GLG1: variants seen among roughly 807,000 people sequenced by gnomAD.
The protein encoded by GLG1 is Golgi apparatus protein 1.
A neutral mutation model predicts 160.5 loss-of-function variants in GLG1; 38 were observed. That is an observed-to-expected ratio of 0.24 (90% CI 0.18 to 0.31). The LOEUF is 0.31. Among genes scored for constraint, GLG1 ranks in the 10% least tolerant of loss-of-function variants. The pLI, the probability that GLG1 is intolerant of heterozygous loss-of-function variation, is 1.00. For synonymous variants in GLG1, 644 were observed against 543.4 expected (o/e 1.19, Z -2.57); for missense variants, 1,373 against 1,505.2 (o/e 0.91, Z 1.45).
rs1555511216 is a variant in GLG1, at chr16:74,506,604, A to AAAAAAAAC, written c.558+2234_558+2235insGTTTTTTT. On this transcript the variant is annotated intron_variant, in intron 3 of 25. Coordinates refer to ENST00000422840, the MANE Select transcript of GLG1 (RefSeq NM_001145667.2). ...CTCAAAAAAAAAAAAAAAAAAAAAA[A>AAAAAAAAC]CTCAAGAGAAACCAGGAGCACATTT... Among the ~76,000 whole-genome samples the AAAAAAAAC allele has an allele frequency of 1.7e-3, 249 of 142,934 alleles. 2 individuals carry two copies. Among genetic ancestry groups the AAAAAAAAC allele is most frequent in the Non-Finnish European group, 3.3e-3 (212 of 64,840 alleles). The allele number at this position is 142,934 out of a possible 152,430, so 93.8% of individuals were successfully genotyped here. A position where few individuals can be genotyped will look rare whatever the true frequency, so the allele number is the denominator to read the frequency against.
At chr16:74,587,677 C>T (rs1958083771) in intron 1 of GLG1, among the ~76,000 whole-genome samples, 1 of 152,088 alleles carries the variant, frequency 6.6e-6, no homozygotes, top group African/African-American at 2.4e-5. Flanking sequence ...ACCATCCTGG[C>T]CAACACAGTG....
chr16:74,509,676 C>T lies in GLG1; in HGVS notation c.472-751G>A, dbSNP rs376494222. On this transcript the variant is annotated intron_variant, in intron 2 of 25. Transcript: ENST00000422840. ...CATCCTGGCTAACACAGTGAAACCC[C>T]GTTTCTACTAAAAAATACAAAAAAT... 1.6e-4 allele frequency among the ~76,000 whole-genome samples: 25 copies of T among 151,856 alleles called. No individual in the cohort carries two copies. The East Asian group carries it at 2.6e-3, about 15-fold the overall frequency.
chr16:74,459,088 T>C (rs547493104), intron 23 of GLG1, among the ~76,000 whole-genome samples: 20 of 152,210 alleles, frequency 1.3e-4, no homozygotes, highest in Non-Finnish European at 2.6e-4. Flanking sequence ...CAAAGGAAAA[T>C]ATACGGATCT....
chr16:74,474,495 C>G lies in GLG1; in HGVS notation c.2052+51G>C, dbSNP rs780432589. The G allele has an allele frequency of 4.6e-6, 4 of 875,458 alleles. No homozygotes were observed. The South Asian group carries it at 5.2e-5, about 11-fold the overall frequency. The allele number at this position is 875,458 out of a possible 1,614,324, so 54.2% of individuals were successfully genotyped here. ...AACAGTAGAATCAAACACAAAAGGC[C>G]AGGATGCTGGCAGCCACTCTCCTCC... On this transcript the variant is annotated intron_variant, in intron 13 of 25. Coordinates refer to ENST00000422840, the MANE Select transcript of GLG1 (RefSeq NM_001145667.2).
chr16:74,517,866 A>C (rs913155209), intron 2 of GLG1, among the ~76,000 whole-genome samples: 20 of 152,198 alleles, frequency 1.3e-4, no homozygotes, highest in African/African-American at 3.6e-4. Flanking sequence ...AGGATACAAA[A>C]TCAGTGTGTA....
intron 1 of GLG1, among the ~76,000 whole-genome samples, chr16:74,566,960 C>T (rs1211024917): frequency 2.0e-5 from 3 of 152,000 alleles, no homozygotes; most frequent in Non-Finnish European, 4.4e-5. Flanking sequence ...TATATAGTCA[C>T]GCAAAGAATA....
At chr16:74,521,821 G>T (rs2017174048) in intron 2 of GLG1, among the ~76,000 whole-genome samples, 1 of 152,154 alleles carries the variant, frequency 6.6e-6, no homozygotes, top group South Asian at 2.1e-4. Context: ...TTCTCCCCAT[G>T]GCCGTTGTGA....
rs1216034981 is a variant in GLG1 at position 74,542,702 on chromosome 16, GAGGAAGGGAAGAAGGGA to G, written c.439-10566_439-10550del. On this transcript the variant is annotated intron_variant, in intron 1 of 25. Transcript: ENST00000422840. ...AAAAAAGGGAAGGGAAGGAGGGAGG[GAGGAAGGGAAGAAGGGA>G]AGGAAGGAAGGAAGGGAGGAAGGAA... Among the ~76,000 whole-genome samples the G allele has an allele frequency of 7.1e-4, 44 of 61,754 alleles. 2 individuals carry two copies. Among genetic ancestry groups the G allele is most frequent in the Non-Finnish European group, 1.1e-3 (36 of 33,896 alleles). 40.5% of individuals were successfully genotyped at this position (61,754 alleles called of 152,430 possible).
chr16:74,477,987 A>AATAAATAG (rs2015452172), intron 11 of GLG1, among the ~76,000 whole-genome samples: 1 of 150,632 alleles, frequency 6.6e-6, no homozygotes, highest in African/African-American at 2.4e-5. Context: ...AAAATAAATA[A>AATAAATAG]ATAAATAAAT....
rs1188223084 is a variant in GLG1, at chr16:74,563,737, AAAAG to A, written c.439-31588_439-31585del. The stretch of plus-strand genomic sequence containing the variant: ...GTGAGACCCTGTCTCAAAAAAAAAA[AAAAG>A]AAAGAAAAAGAAAAAAAAAAGAAAT... On this transcript the variant is annotated intron_variant, in intron 1 of 25. Coordinates refer to ENST00000422840, the MANE Select transcript of GLG1 (RefSeq NM_001145667.2). Among the ~76,000 whole-genome samples the A allele has an allele frequency of 9.5e-4, 144 of 152,132 alleles. 1 individual carries two copies. Among genetic ancestry groups the A allele is most frequent in the Admixed American group, 1.6e-3 (25 of 15,272 alleles).
At chr16:74,543,954 AAT>A (rs1332541463) in intron 1 of GLG1, among the ~76,000 whole-genome samples, 4 of 152,230 alleles carry the variant, frequency 2.6e-5, no homozygotes, top group Non-Finnish European at 5.9e-5. Context: ...TTGCAAATCT[AAT>A]ATGATTCCAG....
At chr16:74,535,532 A>G (rs1035890347) in intron 1 of GLG1, among the ~76,000 whole-genome samples, 1 of 152,210 alleles carries the variant, frequency 6.6e-6, no homozygotes, top group African/African-American at 2.4e-5. Flanking sequence ...TCTTGGGCTT[A>G]ACTGATCCTC....
rs1491357969 is a variant in GLG1 at position 74,540,033 on chromosome 16, ATT to A, written c.439-7882_439-7881del. Among the ~76,000 whole-genome samples, 33 of 24,864 alleles carry A rather than the reference ATT, an allele frequency of 1.3e-3. 9 individuals are homozygous for A. The highest frequency in any genetic ancestry group is 1.7e-3 in the Admixed American group (2 of 1,160). 16.3% of individuals were successfully genotyped at this position (24,864 alleles called of 152,430 possible). On this transcript the variant is annotated intron_variant, in intron 1 of 25. Coordinates refer to ENST00000422840, the MANE Select transcript of GLG1 (RefSeq NM_001145667.2). ...TATTTTATATATATATATTATATAT[ATT>A]TTATATATATATTATATATATTTTA... is the stretch of plus-strand genomic sequence containing the variant.
chr16:74,582,605 G>C (rs1957963229), intron 1 of GLG1, among the ~76,000 whole-genome samples: 1 of 151,952 alleles, frequency 6.6e-6, no homozygotes, highest in Admixed American at 6.6e-5. Flanking sequence ...CGGATCACGA[G>C]GTCAGGAGAT....
At chr16:74,520,979 T>C (rs189792626) in intron 2 of GLG1, among the ~76,000 whole-genome samples, 1 of 152,178 alleles carries the variant, frequency 6.6e-6, no homozygotes, top group Admixed American at 6.5e-5. Flanking sequence ...AATTATCAAG[T>C]AAATGTGTCA....
chr16:74,459,756 G>C lies in GLG1; in HGVS notation c.3070C>G (p.Gln1024Glu). ...SSLCAEEAAA[Q>E]EQTGQVEECL... ...TCCTCCACCTGACCTGTCTGCTCTT[G>C]GGCTGCTGCTTCTTCAGCACATAGA... Residue 1024 changes from glutamine to glutamate, a missense_variant, in exon 23 of 26, where the codon CAA becomes GAA. Around this residue, in one of 4 missense-constraint regions of GLG1, gnomAD observed 491 missense variants for 632.1 expected, o/e 0.78. Transcript: ENST00000422840. 1.2e-6 allele frequency: 2 copies of C among 1,609,130 alleles called. No individual in the cohort carries two copies. The highest frequency in any genetic ancestry group is 1.7e-5 in the Admixed American group (1 of 59,510).
Position 74,485,863 on chromosome 16 carries a change from C to T in GLG1, c.1504G>A (p.Ala502Thr), listed in dbSNP as rs2015769379. 1.9e-6 allele frequency: 3 copies of T among 1,611,884 alleles called. No homozygotes were observed. The highest frequency in any genetic ancestry group is 2.5e-6 in the Non-Finnish European group (3 of 1,177,912). The change falls in exon 9 of 26, where the codon GCT becomes ACT. Residue 502 changes from alanine (A) to threonine (T), a missense_variant. By Grantham distance (58) the Ala-to-Thr change is moderately conservative (BLOSUM62 0). This residue lies in a region of GLG1 where 386 missense variants were observed against 388.5 expected (regional missense o/e 0.99). Coordinates refer to ENST00000422840, the MANE Select transcript of GLG1 (RefSeq NM_001145667.2). ...DPGADYRIDRALNEACESVIQ... is the reference protein window; with the variant it reads ...DPGADYRIDRTLNEACESVIQ... ...ACAGATTCACAAGCTTCATTCAAAG[C>T]TCGATCAATGCGGTAATCTGCACCA...
At chr16:74,573,744 T>A (rs1054197561) in intron 1 of GLG1, among the ~76,000 whole-genome samples, 2 of 151,526 alleles carry the variant, frequency 1.3e-5, no homozygotes, top group Admixed American at 1.3e-4. Context: ...CACCCTGGCC[T>A]CCCAAAGAGC....
intron 3 of GLG1, among the ~76,000 whole-genome samples, chr16:74,506,083 T>G (rs1179477091): frequency 1.4e-5 from 2 of 144,222 alleles, no homozygotes; most frequent in African/African-American, 5.0e-5. Flanking sequence ...TGGAAAAGAT[T>G]TTTTTTTTTT....
Sources: gnomAD v4.1 joint callset for allele counts (sites outside exome capture counted in the v4.1 genomes callset) on GRCh38, gnomAD v4.1.1 for gene constraint, gnomAD v4.1.1 regional missense constraint, MANE v1.5 for transcripts, NCBI Gene and HGNC (gene_info 2026-07-23, HGNC 2026-07-21) for gene names.